Variants in PSD3 observed in about 807,000 individuals in gnomAD.
PSD3 encodes the protein pleckstrin and Sec7 domain containing 3.
PSD3 carries 49 observed loss-of-function variants against 105.5 expected under a neutral mutation model. The ratio of observed to expected loss-of-function variants is 0.46; its 90% CI spans 0.37 to 0.59. The LOEUF is 0.59. PSD3 is among the 20% of genes least tolerant of loss of function. The probability of loss-of-function intolerance (pLI) is 0.00; values close to 1 mark genes in which losing one functional copy is unlikely to be tolerated. For synonymous variants in PSD3, 557 were observed against 457.8 expected (o/e 1.22, Z -2.77); for missense variants, 1,561 against 1,263.8 (o/e 1.24, Z -3.57).
chr8:18,660,463 C>T (rs957102599), intron 9 of PSD3, among the ~76,000 whole-genome samples: 4 of 152,112 alleles, frequency 2.6e-5, no homozygotes, highest in South Asian at 4.1e-4. Context: ...AATACTCTAG[C>T]GTACTAGAGA....
At chr8:19,042,052 T>C (rs1563525978) in intron 1 of PSD3, among the ~76,000 whole-genome samples, 1 of 152,216 alleles carries the variant, frequency 6.6e-6, no homozygotes, top group Non-Finnish European at 1.5e-5. Context: ...CAATTTATCT[T>C]TATTAAAATT....
intron 9 of PSD3, among the ~76,000 whole-genome samples, chr8:18,752,271 C>G (rs143716377): frequency 6.7e-6 from 1 of 150,014 alleles, no homozygotes; most frequent in Non-Finnish European, 1.5e-5. Context: ...CTGTGTTTTA[C>G]GGAAAACTGA....
intron 2 of PSD3, 71 bp downstream of exon 2, chr8:18,935,963 G>T: frequency 1.1e-6 from 1 of 946,888 alleles, no homozygotes; most frequent in Non-Finnish European, 1.7e-6. Context: ...AATGCAGGTG[G>T]AGAAAAATCA....
Position 18,755,322 on chromosome 8 carries a change from T to C in PSD3, c.2172+10127A>G, listed in dbSNP as rs1315654484. Among the ~76,000 whole-genome samples, 4 of 152,006 alleles carry C rather than the reference T, an allele frequency of 2.6e-5. No homozygotes were observed. The East Asian group carries it at 5.8e-4, about 22-fold the overall frequency. On this transcript the variant is annotated intron_variant, in intron 9 of 15. Coordinates refer to ENST00000327040, the MANE Select transcript of PSD3 (RefSeq NM_015310.4). ...GCACGCGCCTGTAATCTCAGCTACT[T>C]GGGAGGCTGAAGCAGGAGAATCGCC... is the stretch of plus-strand genomic sequence containing the variant.
intron 9 of PSD3, among the ~76,000 whole-genome samples, chr8:18,698,752 T>C (rs1801406248): frequency 1.3e-5 from 2 of 152,208 alleles, no homozygotes; most frequent in South Asian, 2.1e-4. Flanking sequence ...GGTATATCTA[T>C]GTGGCTTCTT....
intron 15 of PSD3, among the ~76,000 whole-genome samples, chr8:18,546,147 C>T (rs960450947): frequency 6.6e-6 from 1 of 152,130 alleles, no homozygotes; most frequent in Admixed American, 6.5e-5. Context: ...AGGTGCCCGC[C>T]ACCATGCCCG....
chr8:18,982,927 C>T (rs1411652477), intron 1 of PSD3, among the ~76,000 whole-genome samples: 1 of 152,186 alleles, frequency 6.6e-6, no homozygotes, highest in Non-Finnish European at 1.5e-5. Context: ...GTCAGCCTGT[C>T]TTTTGAAGCT....
At chr8:18,947,715 T>C (rs1822956674) in intron 1 of PSD3, among the ~76,000 whole-genome samples, 1 of 152,196 alleles carries the variant, frequency 6.6e-6, no homozygotes, top group South Asian at 2.1e-4. Flanking sequence ...TTCGTTGTCT[T>C]TTAACCAGAT....
intron 1 of PSD3, among the ~76,000 whole-genome samples, chr8:18,972,191 G>A (rs1824691344): frequency 6.6e-6 from 1 of 152,096 alleles, no homozygotes; most frequent in Non-Finnish European, 1.5e-5. Flanking sequence ...CAAATAGAGT[G>A]TCCTTCTGTC....
intron 2 of PSD3, among the ~76,000 whole-genome samples, chr8:18,887,211 C>T (rs184103621): frequency 1.0e-3 from 152 of 152,250 alleles, no homozygotes; most frequent in African/African-American, 3.2e-3. Flanking sequence ...ATTATTTTAA[C>T]GGACAAGGGA....
chr8:18,736,479 AC>A (rs2129433061), intron 9 of PSD3, among the ~76,000 whole-genome samples: 1 of 152,336 alleles, frequency 6.6e-6, no homozygotes, highest in African/African-American at 2.4e-5. Flanking sequence ...GTGTTAGTAA[AC>A]ACCATTTACT....
rs540744062 is a variant in PSD3, at chr8:18,971,500, G to A, written c.22-35358C>T. Among the ~76,000 whole-genome samples, 429 of 152,328 alleles carry A rather than the reference G, an allele frequency of 2.8e-3. 1 individual carries two copies. The highest frequency in any genetic ancestry group is 0.012 in the South Asian group (58 of 4,830). On this transcript the variant is annotated intron_variant, in intron 1 of 15. Coordinates refer to ENST00000327040, the MANE Select transcript of PSD3 (RefSeq NM_015310.4). ...CTGAGAAAATACCAGAATGGGTGGG[G>A]CTGATTGTGCTCAGATCACAGGCCC...
intron 1 of PSD3, among the ~76,000 whole-genome samples, chr8:18,985,012 C>T (rs2129473026): frequency 6.6e-6 from 1 of 152,302 alleles, no homozygotes; most frequent in African/African-American, 2.4e-5. Flanking sequence ...TGGATCACTA[C>T]AACCTCTGCC....
rs561524960 is a variant in PSD3 at position 18,844,499 on chromosome 8, CTT to C, written c.1634+23173_1634+23174del. Among the ~76,000 whole-genome samples, 160 of 152,276 alleles carry C rather than the reference CTT, an allele frequency of 1.1e-3. 1 individual carries two copies. The highest frequency in any genetic ancestry group is 3.8e-3 in the African/African-American group (158 of 41,566). On this transcript the variant is annotated intron_variant, in intron 4 of 15. Coordinates refer to ENST00000327040, the MANE Select transcript of PSD3 (RefSeq NM_015310.4). ...TATCTTGACTAAACATGATCCCCCT[CTT>C]GTCTACTATATTTATAGCTCTTATT...
intron 1 of PSD3, among the ~76,000 whole-genome samples, chr8:19,059,996 G>A (rs77660039): frequency 0.093 from 14,165 of 152,232 alleles, 684 homozygotes; most frequent in Non-Finnish European, 0.1. Context: ...TCAAATCTGG[G>A]CTTGAAATAA....
intron 1 of PSD3, chr8:18,940,408 A>C (rs1822457867): frequency 6.6e-6 from 1 of 152,198 alleles, no homozygotes; most frequent in Non-Finnish European, 1.5e-5. Context: ...GAAGGCGCTA[A>C]AGCTTCCGAA....
intron 2 of PSD3, among the ~76,000 whole-genome samples, chr8:18,895,754 G>T (rs978296068): frequency 6.6e-6 from 1 of 152,170 alleles, no homozygotes; most frequent in Non-Finnish European, 1.5e-5. Flanking sequence ...TCAAAGAACA[G>T]TAATTAGCAT....
chr8:18,703,390 C>T (rs1049038782), intron 9 of PSD3, among the ~76,000 whole-genome samples: 1 of 152,170 alleles, frequency 6.6e-6, no homozygotes, highest in Admixed American at 6.6e-5. Flanking sequence ...GCTCATTAAG[C>T]ACTTTTAAGA....
intron 2 of PSD3, among the ~76,000 whole-genome samples, chr8:18,919,520 T>A (rs1044228954): frequency 6.6e-6 from 1 of 151,934 alleles, no homozygotes; most frequent in East Asian, 1.9e-4. Flanking sequence ...AGAATCTGAA[T>A]TTTTAACAAG....
Sources: allele counts gnomAD v4.1 joint callset (sites outside exome capture counted in the v4.1 genomes callset), GRCh38; gene constraint gnomAD v4.1.1; transcripts MANE v1.5; gene names NCBI Gene and HGNC (gene_info 2026-07-23, HGNC 2026-07-21).